Variants in ABCA4 observed in about 807,000 individuals in gnomAD.
ABCA4 encodes the protein ATP binding cassette subfamily A member 4.
Under a neutral mutation model 263.7 loss-of-function variants are expected in ABCA4, and 196 were observed. The ratio of observed to expected loss-of-function variants is 0.74; its 90% CI spans 0.66 to 0.84. ABCA4 has a LOEUF of 0.84. Among genes scored for constraint, ABCA4 ranks in the 40% least tolerant of loss-of-function variants. The pLI is 0.00. For missense variants in ABCA4, 2,792 were observed against 2,855.1 expected, an observed-to-expected ratio of 0.98 and a Z score of 0.50; for synonymous variants, 1,133 against 1,094.2, an observed-to-expected ratio of 1.04 and a Z score of -0.70.
intron 1 of ABCA4, among the ~76,000 whole-genome samples, chr1:94,116,482 G>T (rs773761297): frequency 1.3e-5 from 2 of 152,124 alleles, no homozygotes; most frequent in Non-Finnish European, 2.9e-5. Flanking sequence ...TCTAGGTAAT[G>T]GTTGGTTGGT....
chr1:94,023,204 T>C (rs1237928823), intron 32 of ABCA4, among the ~76,000 whole-genome samples, 182 bp downstream of exon 32: 1 of 152,204 alleles, frequency 6.6e-6, no homozygotes, highest in African/African-American at 2.4e-5. Flanking sequence ...GAGGCACCAC[T>C]GAGTGTCTTC....
chr1:94,087,826 G>C (rs1661870898), intron 6 of ABCA4, among the ~76,000 whole-genome samples: 1 of 152,174 alleles, frequency 6.6e-6, no homozygotes, highest in Admixed American at 6.5e-5. Context: ...TATTGTGCCA[G>C]GTGCTGGGGA....
At chr1:94,046,591 G>A (rs1660690289) in intron 19 of ABCA4, among the ~76,000 whole-genome samples, 1 of 152,108 alleles carries the variant, frequency 6.6e-6, no homozygotes, top group Non-Finnish European at 1.5e-5. Flanking sequence ...GACTCAAGGT[G>A]TGAGAAACAA....
chr1:94,007,787 C>A, intron 42 of ABCA4, 47 bp from the exon 43 acceptor site: 1 of 1,555,284 alleles, frequency 6.4e-7, no homozygotes, highest in South Asian at 1.1e-5. Flanking sequence ...TCAAGAAGGT[C>A]TAAAATGTCA....
At chr1:94,013,376 G>C (rs1198850080) in intron 38 of ABCA4, among the ~76,000 whole-genome samples, 1 of 152,218 alleles carries the variant, frequency 6.6e-6, no homozygotes, top group Non-Finnish European at 1.5e-5. Context: ...GTTCATGGTG[G>C]GGCCTCCGCA....
intron 4 of ABCA4, among the ~76,000 whole-genome samples, chr1:94,104,166 T>C (rs749849853): frequency 1.2e-3 from 186 of 152,330 alleles, no homozygotes; most frequent in Non-Finnish European, 2.4e-3. Flanking sequence ...CCAGGGCCAA[T>C]GCTTGGCCTC....
rs940360778 is a variant in ABCA4 at position 94,100,074 on chromosome 1, G to A, written c.571-1083C>T. Among the ~76,000 whole-genome samples the A allele has an allele frequency of 3.3e-5, 5 of 152,256 alleles. No individual in the cohort carries two copies. The East Asian group carries it at 7.7e-4, about 24-fold the overall frequency. On this transcript the variant is annotated intron_variant, in intron 5 of 49. Coordinates refer to ENST00000370225, the MANE Select transcript of ABCA4 (RefSeq NM_000350.3). ...ACCACAGTCTCCCATGACATCTAAC[G>A]ACGTGGCTCTCTGGGCTGGAGGGCA...
At position 94,087,688 on chromosome 1, in the gene ABCA4, C is replaced by T. The variant is rs577034559; in HGVS notation, c.769-4247G>A. Among the ~76,000 whole-genome samples, 49 of 152,318 alleles carry T rather than the reference C, an allele frequency of 3.2e-4. No homozygotes were observed. In the South Asian group the frequency reaches 7.3e-3, roughly 23 times the overall value. ...GGTGCTCCAAACCCCTCTTGGAGGA[C>T]CCAGCTCCAGACTCTGCCTGGGGAG... On this transcript the variant is annotated intron_variant, in intron 6 of 49. Transcript: ENST00000370225.
At chr1:94,026,036 G>A (rs758978982) in intron 30 of ABCA4, among the ~76,000 whole-genome samples, 12 of 152,194 alleles carry the variant, frequency 7.9e-5, no homozygotes, top group Non-Finnish European at 1.5e-4. Context: ...ATTCAAAGGT[G>A]CATGGGTTTG....
At chr1:94,018,715 G>C (rs1052900667) in intron 36 of ABCA4, 5 of 415,750 alleles carry the variant, frequency 1.2e-5, no homozygotes, top group African/African-American at 2.1e-5. Flanking sequence ...AGAATAAATT[G>C]GGGTTGATGT....
At chr1:94,046,525 A>G (rs540458369) in intron 19 of ABCA4, among the ~76,000 whole-genome samples, 36 of 151,730 alleles carry the variant, frequency 2.4e-4, no homozygotes, top group African/African-American at 8.5e-4. Context: ...TTCCATGCAC[A>G]TGATGACAGT....
chr1:94,099,732 G>T (rs772879096), intron 5 of ABCA4, among the ~76,000 whole-genome samples: 6 of 152,304 alleles, frequency 3.9e-5, no homozygotes, highest in Non-Finnish European at 7.4e-5. Flanking sequence ...GGACCGAATA[G>T]AACACAATTA....
At chr1:94,037,005 C>A in intron 25 of ABCA4, 140 bp downstream of exon 25, 1 of 1,001,722 alleles carries the variant, frequency 1.0e-6, no homozygotes, top group Non-Finnish European at 1.6e-6. Context: ...GGGAACTATG[C>A]CAAAAATAAA....
rs61750149 is a variant in ABCA4, at chr1:94,029,478, G to A, written c.4506C>T (p.Cys1502=). ...GCGGGAGGCCCCCGGCACCCTCGGGGCACTCTGGCAGCATGGTGAGCTTCT... is the reference window on the plus strand; with the variant it reads ...GCGGGAGGCCCCCGGCACCCTCGGGACACTCTGGCAGCATGGTGAGCTTCT... ...TREKLTMLPE[C]PEGAGGLPPP... The change falls in exon 30 of 50, where the codon TGC becomes TGT. Residue 1502 remains cysteine, a synonymous_variant. Transcript: ENST00000370225. The A allele has an allele frequency of 8.9e-6, 14 of 1,576,208 alleles. No individual in the cohort carries two copies. The highest frequency in any genetic ancestry group is 1.1e-5 in the Non-Finnish European group (13 of 1,159,316).
At chr1:94,108,753 G>A in intron 3 of ABCA4, 37 bp from the exon 4 acceptor site, 2 of 1,610,356 alleles carry the variant, frequency 1.2e-6, no homozygotes, top group African/African-American at 1.3e-5. Flanking sequence ...GGAAATAGCT[G>A]TTATTTTTAT....
rs933073 is a variant in ABCA4, at chr1:94,021,111, T to G, written c.5018+129A>C. 126,571 of 1,297,878 alleles carry G rather than the reference T, an allele frequency of 0.098. 6,782 individuals carry two copies. The highest frequency in any genetic ancestry group is 0.14 in the African/African-American group (9,663 of 68,622). The allele number at this position is 1,297,878 out of a possible 1,614,324, so 80.4% of individuals were successfully genotyped here. On this transcript the variant is annotated intron_variant, in intron 35 of 49. Transcript: ENST00000370225. ...AGGCACTTATTTGAAAGTCGGATGT[T>G]CATATGTGCCTGACTAAACAGCATT...
intron 13 of ABCA4, 79 bp downstream of exon 13, chr1:94,062,498 G>C (rs1000493126): frequency 1.9e-6 from 3 of 1,552,656 alleles, no homozygotes; most frequent in Admixed American, 1.7e-5. Flanking sequence ...AAGCCTTGAG[G>C]GCACCCCCAG....
At chr1:94,022,304 G>T (rs1276389099) in intron 32 of ABCA4, among the ~76,000 whole-genome samples, 1 of 152,144 alleles carries the variant, frequency 6.6e-6, no homozygotes, top group East Asian at 1.9e-4. Context: ...TTGCATGGCT[G>T]CTAGCTCCCC....
rs1357360122 is a variant in ABCA4 at position 93,997,995 on chromosome 1, T to C, written c.6595A>G (p.Arg2199Gly). ...TGGAGCATGTTGTAGTGCCTCTCCC[T>C]CTGCACACTGCCTGGGAAGTTCCCC... The part of the protein sequence containing the change: ...FQGNFPGSVQ[R>G]ERHYNMLQFQ... Residue 2199 changes from arginine (R) to glycine (G), a missense_variant, in exon 48 of 50, where the codon AGG becomes GGG. Coordinates refer to ENST00000370225, the MANE Select transcript of ABCA4 (RefSeq NM_000350.3). The C allele has an allele frequency of 6.2e-7, 1 of 1,614,032 alleles. No homozygotes were observed. Among genetic ancestry groups the C allele is most frequent in the Non-Finnish European group, 8.5e-7 (1 of 1,180,018 alleles).
Sources: gnomAD v4.1 joint callset for allele counts (sites outside exome capture counted in the v4.1 genomes callset) on GRCh38, gnomAD v4.1.1 for gene constraint, MANE v1.5 for transcripts, NCBI Gene and HGNC (gene_info 2026-07-23, HGNC 2026-07-21) for gene names.